The following KIRREL1 variants were observed in gnomAD, a reference collection of about 807,000 sequenced individuals.
KIRREL1 encodes the protein kirre like nephrin family adhesion molecule 1.
In KIRREL1, 25 loss-of-function variants were observed where a neutral mutation model predicts 83.3. The ratio of observed to expected loss-of-function variants is 0.30; its 90% CI spans 0.22 to 0.42. The LOEUF (loss-of-function observed/expected upper bound fraction) is 0.42, where lower values mean the gene tolerates loss of function less well. Ranked by LOEUF, KIRREL1 falls within the 10% of genes least tolerant of loss-of-function variation. KIRREL1 has a pLI of 1.00. For missense variants in KIRREL1, 812 were observed against 1,032.3 expected, an observed-to-expected ratio of 0.79 and a Z score of 2.92; for synonymous variants, 388 against 410.4, an observed-to-expected ratio of 0.95 and a Z score of 0.66.
At chr1:158,033,687 A>G (rs1557996949) in intron 1 of KIRREL1, among the ~76,000 whole-genome samples, 1 of 152,134 alleles carries the variant, frequency 6.6e-6, no homozygotes, top group Non-Finnish European at 1.5e-5. Context: ...AAAGATAGAA[A>G]ATGAAGTTTT....
chr1:158,030,548 A>G (rs1660294635), intron 1 of KIRREL1, among the ~76,000 whole-genome samples: 1 of 152,196 alleles, frequency 6.6e-6, no homozygotes, highest in Non-Finnish European at 1.5e-5. Flanking sequence ...CGCATATCTT[A>G]GCTTTGTGAC....
chr1:158,093,270 G>C, intron 11 of KIRREL1, 69 bp from the exon 12 acceptor site: 2 of 1,337,986 alleles, frequency 1.5e-6, no homozygotes, highest in Non-Finnish European at 2.1e-6. Flanking sequence ...CTAGCCTTTA[G>C]CCAGCACTGA....
intron 1 of KIRREL1, among the ~76,000 whole-genome samples, chr1:158,072,971 C>T (rs1189453223): frequency 1.3e-5 from 2 of 152,074 alleles, no homozygotes; most frequent in Non-Finnish European, 2.9e-5. Context: ...CACTAAAAAC[C>T]CAGGACAAGT....
chr1:158,037,270 G>A (rs1660503721), intron 1 of KIRREL1, among the ~76,000 whole-genome samples: 1 of 152,136 alleles, frequency 6.6e-6, no homozygotes, highest in Non-Finnish European at 1.5e-5. Flanking sequence ...TGAGGCTGGT[G>A]GATCACAAGG....
intron 1 of KIRREL1, among the ~76,000 whole-genome samples, chr1:158,015,337 G>A (rs548866039): frequency 2.2e-4 from 34 of 152,180 alleles, no homozygotes; most frequent in African/African-American, 7.0e-4. Context: ...GCACTCCCTC[G>A]CTCCTGCCCG....
chr1:158,066,860 A>G (rs1405278627), intron 1 of KIRREL1, among the ~76,000 whole-genome samples: 1 of 151,072 alleles, frequency 6.6e-6, no homozygotes, highest in Non-Finnish European at 1.5e-5. Context: ...TGTCTCCCCT[A>G]CCTCCCTTCC....
chr1:158,088,352 C>T lies in KIRREL1; in HGVS notation c.942C>T (p.Pro314=), dbSNP rs759366951. Residue 314 remains proline (P), a synonymous_variant, in exon 8 of 15, where the codon CCC becomes CCT. Transcript: ENST00000359209. ...TTGCTCCCCGGATTGTAGTTGACCC[C>T]AAACCCACAACCACAGACATTGGCT... ...VHFAPRIVVD[P]KPTTTDIGSD... 1.9e-6 allele frequency: 3 copies of T among 1,613,804 alleles called. No individual in the cohort carries two copies. The highest frequency in any genetic ancestry group is 1.7e-6 in the Non-Finnish European group (2 of 1,179,868).
intron 1 of KIRREL1, 144 bp from the exon 2 acceptor site, chr1:158,075,969 G>A (rs1269649492): frequency 1.4e-6 from 1 of 704,912 alleles, no homozygotes. Flanking sequence ...AAACAAAGGG[G>A]TTGAGGCTGA....
chr1:158,039,529 A>T (rs571601185), intron 1 of KIRREL1, among the ~76,000 whole-genome samples: 7 of 152,266 alleles, frequency 4.6e-5, no homozygotes, highest in Non-Finnish European at 1.0e-4. Context: ...AGCTGGGGTG[A>T]CCAGAGCCGG....
chr1:158,096,671 ACAC>A lies in KIRREL1; in HGVS notation c.*1553_*1555del. The A allele has an allele frequency of 2.2e-6, 1 of 456,690 alleles. No homozygotes were observed. Among genetic ancestry groups the A allele is most frequent in the Non-Finnish European group, 4.4e-6 (1 of 226,968 alleles). 28.3% of individuals were successfully genotyped at this position (456,690 alleles called of 1,614,324 possible). A position where few individuals can be genotyped will look rare whatever the true frequency, so the allele number is the denominator to read the frequency against. On this transcript the variant is annotated 3_prime_UTR_variant, in exon 15 of 15. Transcript: ENST00000359209. ...CTCCATGTGCACGCACATCCAACAC[ACAC>A]CTTCCATGTGACTGCTTCTCAGCCA...
chr1:158,078,552 G>A (rs1296477101), intron 3 of KIRREL1, among the ~76,000 whole-genome samples: 1 of 152,116 alleles, frequency 6.6e-6, no homozygotes, highest in Non-Finnish European at 1.5e-5. Flanking sequence ...CTGCCTCGGA[G>A]ACCCCAAACG....
intron 10 of KIRREL1, 42 bp from the exon 11 acceptor site, chr1:158,091,316 C>T (rs1662188311): frequency 3.2e-6 from 5 of 1,584,760 alleles, no homozygotes; most frequent in East Asian, 2.2e-5. Context: ...GGCTTCTGCC[C>T]CCTGCCCCTT....
chr1:158,093,525 G>C (rs1571004658), intron 12 of KIRREL1, 79 bp downstream of exon 12: 1 of 1,602,138 alleles, frequency 6.2e-7, no homozygotes, highest in East Asian at 2.2e-5. Context: ...GGGGTGGATG[G>C]GAGGTTGGCC....
intron 1 of KIRREL1, among the ~76,000 whole-genome samples, chr1:158,008,712 G>A (rs1659588731): frequency 6.6e-6 from 1 of 152,170 alleles, no homozygotes; most frequent in African/African-American, 2.4e-5. Context: ...TCAGCACCAT[G>A]TGGGAGCTGC....
chr1:158,023,496 G>A (rs1194532048), intron 1 of KIRREL1, among the ~76,000 whole-genome samples: 1 of 152,164 alleles, frequency 6.6e-6, no homozygotes, highest in Non-Finnish European at 1.5e-5. Flanking sequence ...ACAAGGGAAA[G>A]TATTTTGGAG....
chr1:158,074,105 T>C (rs1365518376), intron 1 of KIRREL1, among the ~76,000 whole-genome samples: 2 of 152,174 alleles, frequency 1.3e-5, no homozygotes, highest in Non-Finnish European at 2.9e-5. Context: ...TTAATAATGT[T>C]GGCTGCTCAC....
At chr1:158,057,732 C>T (rs1288297027) in intron 1 of KIRREL1, among the ~76,000 whole-genome samples, 1 of 152,132 alleles carries the variant, frequency 6.6e-6, no homozygotes, top group East Asian at 1.9e-4. Flanking sequence ...GCAGTTGGTC[C>T]CCTGAAAAGT....
At chr1:158,019,704 C>G (rs1441550416) in intron 1 of KIRREL1, among the ~76,000 whole-genome samples, 2 of 152,092 alleles carry the variant, frequency 1.3e-5, no homozygotes, top group Non-Finnish European at 2.9e-5. Flanking sequence ...AAATTCCAGG[C>G]TTGTAGGATC....
intron 1 of KIRREL1, among the ~76,000 whole-genome samples, chr1:158,018,711 A>G (rs893116226): frequency 2.0e-5 from 3 of 152,216 alleles, no homozygotes; most frequent in African/African-American, 7.2e-5. Context: ...CCCTGGAAAA[A>G]GAGGGGAAGG....
Sources: gnomAD v4.1 joint callset for allele counts (sites outside exome capture counted in the v4.1 genomes callset) on GRCh38, gnomAD v4.1.1 for gene constraint, MANE v1.5 for transcripts, NCBI Gene and HGNC (gene_info 2026-07-23, HGNC 2026-07-21) for gene names.